CCDC30: variants seen among roughly 807,000 people sequenced by gnomAD.
CCDC30 encodes the protein coiled-coil domain-containing protein 30.
CCDC30 carries 70 observed loss-of-function variants against 100.2 expected under a neutral mutation model. The ratio of observed to expected loss-of-function variants is 0.70; its 90% confidence interval spans 0.58 to 0.85. The LOEUF is 0.85. CCDC30 is among the 40% of genes least tolerant of loss of function. The pLI, the probability that CCDC30 is intolerant of heterozygous loss-of-function variation, is 0.00. For synonymous variants in CCDC30, 233 were observed against 269.5 expected (o/e 0.86, Z 1.33); for missense variants, 652 against 771.2 (o/e 0.85, Z 1.83).
At chr1:42,456,440 C>A in the CCDC30 span, 1 of 1,012,578 alleles carries the variant, frequency 9.9e-7, no homozygotes, top group Non-Finnish European at 1.4e-6. Flanking sequence ...GAGATCGGGA[C>A]CTAGTGTCAA....
chr1:42,482,222 CAAAA>C (rs11399996), intron 2 of CCDC30, among the ~76,000 whole-genome samples: 1 of 127,448 alleles, frequency 7.8e-6, no homozygotes, highest in Non-Finnish European at 1.7e-5. Context: ...GACTCCATCT[CAAAA>C]AAAAAAAAAA....
At chr1:42,506,618 T>C (rs1243929843) in intron 6 of CCDC30, among the ~76,000 whole-genome samples, 1 of 152,216 alleles carries the variant, frequency 6.6e-6, no homozygotes, top group Non-Finnish European at 1.5e-5. Context: ...GACATCATTT[T>C]AGCAATTCCA....
chr1:42,556,532 G>A (rs1645374771), intron 6 of CCDC30, 127 bp downstream of exon 10: 1 of 1,036,948 alleles, frequency 9.6e-7, no homozygotes. Flanking sequence ...CATAGTAGAT[G>A]TGTGTATTTA....
intron 6 of CCDC30, among the ~76,000 whole-genome samples, chr1:42,508,246 A>G (rs1038821921): frequency 6.6e-6 from 1 of 152,176 alleles, no homozygotes; most frequent in Non-Finnish European, 1.5e-5. Context: ...CTGGATTCCC[A>G]AAAGGAGGGA....
At chr1:42,646,844 T>C (rs1647925899) in intron 15 of CCDC30, among the ~76,000 whole-genome samples, 3 of 152,138 alleles carry the variant, frequency 2.0e-5, no homozygotes, top group African/African-American at 7.2e-5. Flanking sequence ...GGTTCATGCC[T>C]GTAATCCACT....
chr1:42,462,846 C>A (rs979225004), upstream of CCDC30, among the ~76,000 whole-genome samples: 4 of 152,122 alleles, frequency 2.6e-5, no homozygotes, highest in Non-Finnish European at 4.4e-5. Flanking sequence ...AAGCTGGATC[C>A]AAAAATTGTG....
intron 6 of CCDC30, among the ~76,000 whole-genome samples, chr1:42,528,270 C>G (rs1163844785): frequency 6.6e-6 from 1 of 152,188 alleles, no homozygotes; most frequent in Non-Finnish European, 1.5e-5. Context: ...AAATATTTTT[C>G]CAAAGACTAC....
intron 10 of CCDC30, among the ~76,000 whole-genome samples, chr1:42,600,791 A>G (rs1193446038): frequency 1.3e-5 from 2 of 149,294 alleles, no homozygotes; most frequent in Admixed American, 6.8e-5. Flanking sequence ...TTGAAAGTGT[A>G]TAACATTTCC....
intron 6 of CCDC30, among the ~76,000 whole-genome samples, chr1:42,540,840 A>G (rs757059873): frequency 4.6e-5 from 7 of 152,196 alleles, no homozygotes; most frequent in Non-Finnish European, 1.0e-4. Flanking sequence ...ACACAATACC[A>G]TTATCTAATC....
At chr1:42,580,145 G>A (rs1314049255) in intron 8 of CCDC30, among the ~76,000 whole-genome samples, 1 of 152,214 alleles carries the variant, frequency 6.6e-6, no homozygotes, top group African/African-American at 2.4e-5. Flanking sequence ...AGAAGCCAAT[G>A]AGGTGATGCT....
upstream of CCDC30, among the ~76,000 whole-genome samples, chr1:42,461,652 T>C (rs1643415313): frequency 6.6e-6 from 1 of 150,922 alleles, no homozygotes; most frequent in Admixed American, 6.6e-5. Flanking sequence ...GTTCACACCA[T>C]TCTCCTTCCT....
At chr1:42,489,602 TGAG>T (rs1257578070) in intron 3 of CCDC30, among the ~76,000 whole-genome samples, 5 of 152,180 alleles carry the variant, frequency 3.3e-5, no homozygotes, top group Non-Finnish European at 7.3e-5. Flanking sequence ...TCGCTGGTGA[TGAG>T]GAGACCGTAG....
chr1:42,521,793 A>G (rs1395361863), intron 6 of CCDC30, among the ~76,000 whole-genome samples: 1 of 151,848 alleles, frequency 6.6e-6, no homozygotes, highest in African/African-American at 2.4e-5. Context: ...TTTTATTAAT[A>G]TATAATATAT....
intron 11 of CCDC30, among the ~76,000 whole-genome samples, chr1:42,617,255 G>A (rs1015954129): frequency 1.3e-5 from 2 of 152,132 alleles, no homozygotes; most frequent in African/African-American, 2.4e-5. Flanking sequence ...CCTAGGGAAC[G>A]AAGTGAGATC....
At position 42,550,898 on chromosome 1, in the gene CCDC30, C is replaced by A. The variant is rs74577362; in HGVS notation, c.457-15398C>A. Among the ~76,000 whole-genome samples the A allele has an allele frequency of 3.5e-3, 539 of 152,288 alleles. 2 individuals are homozygous for A. The highest frequency in any genetic ancestry group is 6.1e-3 in the Non-Finnish European group (413 of 68,020). ...GAATCTTTTTCTTCCTCTGTGGGAA[C>A]AAAGTTTCATCGTTAGCCACCCCTA... is the stretch of plus-strand genomic sequence containing the variant. On this transcript the variant is annotated intron_variant, in intron 6 of 16. Transcript: ENST00000668663.
chr1:42,566,442 A>G (rs764570598), exon 7 of CCDC30: 4 of 1,613,888 alleles, frequency 2.5e-6, no homozygotes, highest in Non-Finnish European at 3.4e-6. Flanking sequence ...ACTTAAAGCA[A>G]CATAATAGCT....
chr1:42,515,303 TA>T (rs923008172), intron 6 of CCDC30, among the ~76,000 whole-genome samples: 3 of 152,094 alleles, frequency 2.0e-5, no homozygotes, highest in African/African-American at 7.2e-5. Flanking sequence ...ATGGCCCTAC[TA>T]ATACCTTGAT....
chr1:42,625,718 A>G (rs114298591), intron 11 of CCDC30, among the ~76,000 whole-genome samples: 1,912 of 152,144 alleles, frequency 0.013, 43 homozygotes, highest in African/African-American at 0.043. Context: ...GGTCGGAGAA[A>G]ATGCTTGATA....
At position 42,500,337 on chromosome 1, in the gene CCDC30, C is replaced by T. The variant is rs888152029; in HGVS notation, c.456+1421C>T. ...TCTCAGCCATATCGGGTTTGTCAGACATAGTTGCCGAGGAAAAGCGGAGTG... is the reference window on the plus strand; with the variant it reads ...TCTCAGCCATATCGGGTTTGTCAGATATAGTTGCCGAGGAAAAGCGGAGTG... On this transcript the variant is annotated intron_variant, in intron 6 of 16. Coordinates refer to ENST00000668663, the Ensembl canonical transcript of CCDC30. 3 of 1,603,970 alleles carry T rather than the reference C, an allele frequency of 1.9e-6. No individual in the cohort carries two copies. The Admixed American group carries it at 5.0e-5, about 27-fold the overall frequency.
Sources: gnomAD v4.1 joint callset for allele counts (sites outside exome capture counted in the v4.1 genomes callset) on GRCh38, gnomAD v4.1.1 for gene constraint, MANE v1.5 for transcripts, NCBI Gene and HGNC (gene_info 2026-07-23, HGNC 2026-07-21) for gene names.